The following ZNF157 variants were observed in gnomAD, a reference collection of about 807,000 sequenced individuals.
ZNF157 encodes zinc finger protein 22.
ZNF157 carries 8 observed loss-of-function variants against 9.4 expected under a neutral mutation model. The observed-to-expected ratio is 0.85, with a 90% CI of 0.50 to 1.53. The LOEUF (loss-of-function observed/expected upper bound fraction) is 1.53, where lower values mean the gene tolerates loss of function less well. ZNF157 is among the 40% of genes most tolerant of loss of function. The pLI, the probability that ZNF157 is intolerant of heterozygous loss-of-function variation, is 0.00. For missense variants in ZNF157, 316 were observed against 385.2 expected, an observed-to-expected ratio of 0.82 and a Z score of 1.50; for synonymous variants, 120 against 130.8, an observed-to-expected ratio of 0.92 and a Z score of 0.56.
rs2055874226 is a variant in ZNF157, at chrX:47,384,643, GATT to G, written c.72+13905_72+13907del. On this transcript the variant is annotated intron_variant, in intron 1 of 3. Transcript: ENST00000377073. The stretch of plus-strand genomic sequence containing the variant: ...TAGAACCTGGGGTGCCGCACAGACA[GATT>G]ACCTGTACAATAGCCCTTTGTGGAG... Among the ~76,000 whole-genome samples, 4 of 112,543 alleles carry G rather than the reference GATT, an allele frequency of 3.6e-5. No homozygotes were observed. The East Asian group carries it at 1.1e-3, about 31-fold the overall frequency.
chrX:47,409,992 A>G (rs192432915), intron 1 of ZNF157, among the ~76,000 whole-genome samples: 38 of 111,716 alleles, frequency 3.4e-4, no homozygotes, highest in African/African-American at 1.2e-3. Context: ...ACGTCCAGGC[A>G]CATAGTGTTT....
chrX:47,393,169 C>T (rs55879603), intron 1 of ZNF157, among the ~76,000 whole-genome samples: 9,948 of 98,341 alleles, frequency 0.1, 1,161 homozygotes, highest in African/African-American at 0.34. Flanking sequence ...AAAAAAAAAT[C>T]TCCTGTTGCT....
chrX:47,413,737 A>T lies in ZNF157; in HGVS notation c.*143A>T. 1.0e-6 allele frequency: 1 copy of T among 965,709 alleles called. No individual in the cohort carries two copies. Among genetic ancestry groups the T allele is most frequent in the Non-Finnish European group, 1.4e-6 (1 of 737,579 alleles). 79.6% of individuals were successfully genotyped at this position (965,709 alleles called of 1,213,427 possible). The stretch of plus-strand genomic sequence containing the variant: ...GGGATAGCTCATTGTTTTTATTCAG[A>T]TTTCCCTAATTAGTGGTGTGTGAAC... On this transcript the variant is annotated 3_prime_UTR_variant, in exon 4 of 4. Coordinates refer to ENST00000377073, the MANE Select transcript of ZNF157 (RefSeq NM_003446.4).
intron 1 of ZNF157, among the ~76,000 whole-genome samples, chrX:47,396,463 C>A (rs962447701): frequency 1.8e-5 from 2 of 110,586 alleles, no homozygotes; most frequent in Non-Finnish European, 3.8e-5. Context: ...CGCTTGAACC[C>A]AGGAGGCGGA....
At chrX:47,377,573 A>C in intron 1 of ZNF157, among the ~76,000 whole-genome samples, 1 of 109,636 alleles carries the variant, frequency 9.1e-6, no homozygotes, top group Non-Finnish European at 1.9e-5. Context: ...CTGGGACTAC[A>C]AGCATGTGCC....
intron 1 of ZNF157, among the ~76,000 whole-genome samples, chrX:47,372,105 T>C (rs1012373145): frequency 3.6e-5 from 4 of 111,297 alleles, no homozygotes; most frequent in African/African-American, 1.3e-4. Flanking sequence ...CAACTCCTAA[T>C]ATCCTCGGAA....
At position 47,374,998 on chromosome X, in the gene ZNF157, C is replaced by CTT. The variant is rs769541152; in HGVS notation, c.72+4293_72+4294dup. On this transcript the variant is annotated intron_variant, in intron 1 of 3. Coordinates refer to ENST00000377073, the MANE Select transcript of ZNF157 (RefSeq NM_003446.4). Reference sequence around the variant, plus strand: ...GTGAGCCCTGAGCCCGGCTGACAATCTTTTTTTTTTTTTTTTTTTTTTTTT... The same window carrying CTT: ...GTGAGCCCTGAGCCCGGCTGACAATCTTTTTTTTTTTTTTTTTTTTTTTTTTT... Among the ~76,000 whole-genome samples the CTT allele has an allele frequency of 1.3e-3, 32 of 24,994 alleles. 9 individuals are homozygous for CTT. Among genetic ancestry groups the CTT allele is most frequent in the East Asian group, 8.9e-3 (5 of 561 alleles). The allele number at this position is 24,994 out of a possible 115,157, so 21.7% of individuals were successfully genotyped here.
chrX:47,395,910 G>A (rs1223088551), intron 1 of ZNF157, among the ~76,000 whole-genome samples: 1 of 111,691 alleles, frequency 9.0e-6, no homozygotes, highest in Non-Finnish European at 1.9e-5. Context: ...AGGCTGCAGT[G>A]AGCTGTGATT....
intron 3 of ZNF157, among the ~76,000 whole-genome samples, chrX:47,411,539 T>A (rs2055965253): frequency 9.5e-6 from 1 of 105,339 alleles, no homozygotes. Context: ...ATTATTATTA[T>A]TTTTTTTTTG....
chrX:47,413,802 TG>T lies in ZNF157; in HGVS notation c.*209del. The stretch of plus-strand genomic sequence containing the variant: ...TTGGCTATTTGGGTTTTTTCTTCTG[TG>T]CATTGACTGTTCATGTCCTCTGCTC... On this transcript the variant is annotated 3_prime_UTR_variant, in exon 4 of 4. Coordinates refer to ENST00000377073, the MANE Select transcript of ZNF157 (RefSeq NM_003446.4). 3 of 483,031 alleles carry T rather than the reference TG, an allele frequency of 6.2e-6. No individual in the cohort carries two copies. The highest frequency in any genetic ancestry group is 9.2e-6 in the Non-Finnish European group (3 of 326,680). The allele number at this position is 483,031 out of a possible 1,213,427, so 39.8% of individuals were successfully genotyped here. A position where few individuals can be genotyped will look rare whatever the true frequency, so the allele number is the denominator to read the frequency against.
intron 1 of ZNF157, among the ~76,000 whole-genome samples, chrX:47,404,095 GGGAGGT>G (rs1319647224): frequency 9.0e-6 from 1 of 110,640 alleles, no homozygotes; most frequent in East Asian, 2.9e-4. Context: ...GCTTGAACCT[GGGAGGT>G]GGAGGTTGCA....
chrX:47,394,724 G>A (rs1380497916), intron 1 of ZNF157, among the ~76,000 whole-genome samples: 1 of 111,837 alleles, frequency 8.9e-6, no homozygotes, highest in South Asian at 3.7e-4. Context: ...CATTTTGTGC[G>A]GGATGATGTT....
chrX:47,413,486 G>T lies in ZNF157; in HGVS notation c.1413G>T (p.Glu471Asp), dbSNP rs778179163. The change falls in exon 4 of 4, where the codon GAG becomes GAT. Residue 471 changes from glutamate (E) to aspartate (D), a missense_variant. By Grantham distance (45) the Glu-to-Asp change is conservative (BLOSUM62 2). Coordinates refer to ENST00000377073, the MANE Select transcript of ZNF157 (RefSeq NM_003446.4). ...QRIHTGERPF[E>D]CQECGKAFCR... is the part of the protein sequence containing the mutation. ...TTCACACAGGAGAGAGACCCTTTGA[G>T]TGTCAAGAATGTGGGAAAGCTTTCT... 1.6e-5 allele frequency: 19 copies of T among 1,210,460 alleles called. No individual in the cohort carries two copies. The Admixed American group carries it at 3.9e-4, about 25-fold the overall frequency.
In ZNF157 at chrX:47,392,996, A is replaced by G. The variant is rs531556639; in HGVS notation, c.73-17280A>G. Among the ~76,000 whole-genome samples the G allele has an allele frequency of 5.7e-4, 63 of 110,910 alleles. 1 individual carries two copies. In the South Asian group the frequency reaches 0.024, roughly 42 times the overall value. ...ATGGTGAAACCCCGTCTCTATTAAAAATACAAAAATTAGCCAGGCATGGTG... is the reference window on the plus strand; with the variant it reads ...ATGGTGAAACCCCGTCTCTATTAAAGATACAAAAATTAGCCAGGCATGGTG... On this transcript the variant is annotated intron_variant, in intron 1 of 3. Transcript: ENST00000377073.
At chrX:47,382,515 A>G (rs2055866937) in intron 1 of ZNF157, among the ~76,000 whole-genome samples, 1 of 106,892 alleles carries the variant, frequency 9.4e-6, no homozygotes, top group Admixed American at 1.0e-4. Context: ...CACCGCACCC[A>G]GCCCAGAACA....
intron 1 of ZNF157, among the ~76,000 whole-genome samples, chrX:47,404,613 A>C (rs1305196121): frequency 9.0e-6 from 1 of 111,221 alleles, no homozygotes; most frequent in East Asian, 2.8e-4. Context: ...CAATGAACTT[A>C]AGCATAGAAA....
At chrX:47,381,358 A>C (rs1439090316) in intron 1 of ZNF157, among the ~76,000 whole-genome samples, 1 of 111,550 alleles carries the variant, frequency 9.0e-6, no homozygotes, top group African/African-American at 3.3e-5. Context: ...TAACTACCTA[A>C]CTACCTAATT....
chrX:47,402,871 A>G (rs752776261), intron 1 of ZNF157, among the ~76,000 whole-genome samples: 44 of 110,140 alleles, frequency 4.0e-4, no homozygotes, highest in Middle Eastern at 4.7e-3. Context: ...TAGAGGATAC[A>G]AGTACAGCTT....
intron 1 of ZNF157, among the ~76,000 whole-genome samples, chrX:47,391,929 G>A (rs372334627): frequency 1.5e-4 from 16 of 105,209 alleles, no homozygotes; most frequent in South Asian, 1.3e-3. Flanking sequence ...TCGCTCTGTC[G>A]CCCAGGCTGG....
Sources: allele counts gnomAD v4.1 joint callset (sites outside exome capture counted in the v4.1 genomes callset), GRCh38; gene constraint gnomAD v4.1.1; transcripts MANE v1.5; gene names NCBI Gene and HGNC (gene_info 2026-07-23, HGNC 2026-07-21).